ATP2B2: variants seen among roughly 807,000 people sequenced by gnomAD.
ATP2B2 encodes ATPase plasma membrane Ca2+ transporting 2.
A neutral mutation model predicts 120.0 loss-of-function variants in ATP2B2; 15 were observed. The ratio of observed to expected loss-of-function variants is 0.12; its 90% CI spans 0.08 to 0.19. The LOEUF is 0.19. Among genes scored for constraint, ATP2B2 ranks in the 10% least tolerant of loss-of-function variants. The pLI is 1.00. For synonymous variants in ATP2B2, 694 were observed against 700.3 expected (o/e 0.99, Z 0.14); for missense variants, 1,045 against 1,719.8 (o/e 0.61, Z 6.94).
rs187293417 is a variant in ATP2B2 at position 10,386,363 on chromosome 3, A to G, written c.940+117T>C. 1.2e-3 allele frequency: 1,451 copies of G among 1,192,506 alleles called. 16 individuals carry two copies. The African/African-American group carries it at 0.019, about 15-fold the overall frequency. The allele number at this position is 1,192,506 out of a possible 1,614,324, so 73.9% of individuals were successfully genotyped here. ...AAAGGAGGGTCTGGGGGGTGGAGCC[A>G]CCCACAGGCATGTGGCCTCCTCCAG... On this transcript the variant is annotated intron_variant, in intron 7 of 22. Coordinates refer to ENST00000360273, the MANE Select transcript of ATP2B2 (RefSeq NM_001001331.4).
intron 19 of ATP2B2, among the ~76,000 whole-genome samples, chr3:10,341,525 G>A (rs1413378767): frequency 6.6e-6 from 1 of 152,168 alleles, no homozygotes; most frequent in East Asian, 1.9e-4. Context: ...TGGCCATGCT[G>A]GTCTCGAATT....
chr3:10,387,782 C>G (rs954090811), intron 6 of ATP2B2: 1 of 225,976 alleles, frequency 4.4e-6, no homozygotes, highest in African/African-American at 2.3e-5. Flanking sequence ...AGAGTAAACT[C>G]ATAATGGTTG....
intron 2 of ATP2B2, among the ~76,000 whole-genome samples, chr3:10,422,548 C>T (rs1022419782): frequency 1.3e-5 from 2 of 152,106 alleles, no homozygotes; most frequent in African/African-American, 4.8e-5. Flanking sequence ...GTGGAGGGGG[C>T]AGCATTTACC....
chr3:10,423,181 CTT>C (rs937824978), intron 2 of ATP2B2, among the ~76,000 whole-genome samples: 1 of 152,324 alleles, frequency 6.6e-6, no homozygotes, highest in African/African-American at 2.4e-5. Context: ...AATTAACAAA[CTT>C]ATTGTTTATT....
chr3:10,707,508 T>G (rs1437075220), intron 1 of ATP2B2, among the ~76,000 whole-genome samples: 1 of 152,118 alleles, frequency 6.6e-6, no homozygotes, highest in Non-Finnish European at 1.5e-5. Context: ...GCCCCCACAC[T>G]GAGGAGAAGC....
At chr3:10,695,273 A>AGAGAGAGG (rs2071726605) in intron 1 of ATP2B2, among the ~76,000 whole-genome samples, 1 of 151,812 alleles carries the variant, frequency 6.6e-6, no homozygotes, top group African/African-American at 2.4e-5. Context: ...AGAGAGAGAG[A>AGAGAGAGG]GAGAGAGAGA....
intron 2 of ATP2B2, among the ~76,000 whole-genome samples, chr3:10,597,740 G>C (rs2068806920): frequency 6.6e-6 from 1 of 152,168 alleles, no homozygotes; most frequent in Non-Finnish European, 1.5e-5. Context: ...CACATTTGCT[G>C]AAAGAAAACA....
intron 1 of ATP2B2, among the ~76,000 whole-genome samples, chr3:10,501,266 C>T (rs76949847): frequency 0.023 from 3,440 of 152,302 alleles, 93 homozygotes; most frequent in African/African-American, 0.07. Context: ...CCCTGCCTCC[C>T]GCCGCCTCCA....
Position 10,326,158 on chromosome 3 carries a change from C to G in ATP2B2, c.*2656G>C, listed in dbSNP as rs921578395. On this transcript the variant is annotated 3_prime_UTR_variant, in exon 23 of 23. Transcript: ENST00000360273. ...ATGAATGGTCATAAATTATTTACCCCCTAATGGAGTGAACTGCCAAACGTA... is the reference window on the plus strand; with the variant it reads ...ATGAATGGTCATAAATTATTTACCCGCTAATGGAGTGAACTGCCAAACGTA... 8.5e-5 allele frequency: 13 copies of G among 152,514 alleles called. 1 individual carries two copies. The highest frequency in any genetic ancestry group is 6.5e-4 in the Admixed American group (10 of 15,270). The allele number at this position is 152,514 out of a possible 1,614,324, so 9.4% of individuals were successfully genotyped here.
chr3:10,675,948 C>T (rs930212095), intron 1 of ATP2B2, among the ~76,000 whole-genome samples: 2 of 152,208 alleles, frequency 1.3e-5, no homozygotes, highest in African/African-American at 4.8e-5. Context: ...GGGTTCATTC[C>T]CCACTGCTCT....
intron 1 of ATP2B2, among the ~76,000 whole-genome samples, chr3:10,676,444 C>A (rs1328707545): frequency 1.3e-5 from 2 of 152,114 alleles, no homozygotes; most frequent in African/African-American, 4.8e-5. Context: ...GAACTACCAT[C>A]ATCCTGGCTC....
rs1338201505 is a variant in ATP2B2 at position 10,373,630 on chromosome 3, GT to G, written c.1417-1580del. Among the ~76,000 whole-genome samples, 5 of 152,028 alleles carry G rather than the reference GT, an allele frequency of 3.3e-5. No homozygotes were observed. The East Asian group carries it at 7.7e-4, about 23-fold the overall frequency. ...TGGATTGATAATAAGTTGGATAATA[GT>G]GTTGGATTTGACATACTGGGTTAAG... On this transcript the variant is annotated intron_variant, in intron 11 of 22. Transcript: ENST00000360273.
At chr3:10,513,362 G>A (rs578217807) in intron 3 of ATP2B2, among the ~76,000 whole-genome samples, 1 of 152,282 alleles carries the variant, frequency 6.6e-6, no homozygotes, top group African/African-American at 2.4e-5. Context: ...TTAAAAGGAG[G>A]CCCGGATGGC....
chr3:10,496,338 C>G (rs959106864), intron 1 of ATP2B2, among the ~76,000 whole-genome samples: 1 of 152,198 alleles, frequency 6.6e-6, no homozygotes, highest in African/African-American at 2.4e-5. Flanking sequence ...CCGGCTGCCC[C>G]TTCTTTGCAG....
At chr3:10,469,538 CGTCAGGCCCCCTGAGGGG>C (rs1436546153) in intron 1 of ATP2B2, among the ~76,000 whole-genome samples, 1 of 152,220 alleles carries the variant, frequency 6.6e-6, no homozygotes, top group Non-Finnish European at 1.5e-5. Flanking sequence ...CAGAAGCCAG[CGTCAGGCCCCCTGAGGGG>C]GTCAGGGAAT....
chr3:10,584,724 T>C (rs1229843559), intron 2 of ATP2B2, among the ~76,000 whole-genome samples: 3 of 152,090 alleles, frequency 2.0e-5, no homozygotes, highest in Non-Finnish European at 2.9e-5. Flanking sequence ...GGACCTAACT[T>C]CCCACTCCAC....
At chr3:10,641,990 ACC>A (rs1447088843) in intron 1 of ATP2B2, among the ~76,000 whole-genome samples, 1 of 1,078 alleles carries the variant, frequency 9.3e-4, no homozygotes, top group African/African-American at 3.4e-3. Flanking sequence ...ACACTCATCC[ACC>A]CATCCACCCA....
chr3:10,530,447 G>T (rs547363583), intron 3 of ATP2B2, among the ~76,000 whole-genome samples: 4 of 152,190 alleles, frequency 2.6e-5, no homozygotes, highest in African/African-American at 9.7e-5. Context: ...ACCGCACCAC[G>T]CTTCCTCCCC....
In ATP2B2 at chr3:10,339,637, C is replaced by T. The variant is rs151136477; in HGVS notation, c.3237+605G>A. Among the ~76,000 whole-genome samples the T allele has an allele frequency of 4.4e-3, 675 of 152,318 alleles. 8 individuals are homozygous for T. Among genetic ancestry groups the T allele is most frequent in the African/African-American group, 0.015 (643 of 41,574 alleles). On this transcript the variant is annotated intron_variant, in intron 21 of 22. Transcript: ENST00000360273. ...AAAGAGCATCCAGCCCAAGGAGCCC[C>T]AGAGCTGGGGCAGGCACAGCACTGA...
Sources: gnomAD v4.1 joint callset for allele counts (sites outside exome capture counted in the v4.1 genomes callset) on GRCh38, gnomAD v4.1.1 for gene constraint, MANE v1.5 for transcripts, NCBI Gene and HGNC (gene_info 2026-07-23, HGNC 2026-07-21) for gene names.